Variants in COPS5 observed in about 807,000 individuals in gnomAD.
COPS5 encodes COP9 signalosome complex subunit 5.
Under a neutral mutation model 44.4 loss-of-function variants are expected in COPS5, and 8 were observed. The observed-to-expected ratio is 0.18, with a 90% CI of 0.11 to 0.32. COPS5 has a LOEUF of 0.32. COPS5 is among the 10% of genes least tolerant of loss of function. The pLI is 1.00. For synonymous variants in COPS5, 122 were observed against 142.8 expected, an observed-to-expected ratio of 0.85 and a Z score of 1.04; for missense variants, 159 against 406.4, an observed-to-expected ratio of 0.39 and a Z score of 5.23.
chr8:67,051,832 T>C (rs1804418909), intron 5 of COPS5, among the ~76,000 whole-genome samples: 2 of 152,152 alleles, frequency 1.3e-5, no homozygotes, highest in African/African-American at 4.8e-5. Context: ...CTAAAATAAT[T>C]GCTCCCACTT....
chr8:67,050,069 C>G (rs560719063), intron 6 of COPS5, among the ~76,000 whole-genome samples: 1 of 149,452 alleles, frequency 6.7e-6, no homozygotes, highest in African/African-American at 2.5e-5. Flanking sequence ...AGCGCGATCT[C>G]GGCTCACTGC....
intron 6 of COPS5, among the ~76,000 whole-genome samples, chr8:67,050,302 CT>C (rs921444044): frequency 1.3e-5 from 2 of 151,506 alleles, no homozygotes; most frequent in Non-Finnish European, 3.0e-5. Flanking sequence ...CGCCCGGCCT[CT>C]TTTTTTTTCT....
chr8:67,043,407 A>T, intron 7 of COPS5, 90 bp from the exon 8 acceptor site: 1 of 732,916 alleles, frequency 1.4e-6, no homozygotes, highest in East Asian at 2.8e-5. Context: ...ATGTAACTCC[A>T]ATGAGTTTAG....
At position 67,045,840 on chromosome 8, in the gene COPS5, C is replaced by G; in HGVS notation, c.892G>C (p.Asp298His). Reference sequence around the variant, plus strand: ...TCTCTTGTAGCTTTGGCAAGTTTGTCTTCTGATTTTCGGTCATGCGTTTCT... The same window carrying G: ...TCTCTTGTAGCTTTGGCAAGTTTGTGTTCTGATTTTCGGTCATGCGTTTCT... ...GLETHDRKSEDKLAKATRDSC... is the reference protein window; with the variant it reads ...GLETHDRKSEHKLAKATRDSC... The change falls in exon 7 of 8, where the codon GAC becomes CAC. Residue 298 changes from aspartate to histidine, a missense_variant. By Grantham distance (81) the Asp-to-His change is moderately conservative (BLOSUM62 -1). Around this residue, in one of 2 missense-constraint regions of COPS5, gnomAD observed 134 missense variants for 376.7 expected, o/e 0.36. Coordinates refer to ENST00000357849, the MANE Select transcript of COPS5 (RefSeq NM_006837.3). 1 of 1,614,144 alleles carries G rather than the reference C, an allele frequency of 6.2e-7. No individual in the cohort carries two copies. The highest frequency in any genetic ancestry group is 8.5e-7 in the Non-Finnish European group (1 of 1,180,038).
intron 5 of COPS5, among the ~76,000 whole-genome samples, chr8:67,053,791 G>C (rs569840485): frequency 6.6e-6 from 1 of 151,968 alleles, no homozygotes; most frequent in African/African-American, 2.4e-5. Flanking sequence ...CAGATCACGA[G>C]GTCATGAGAT....
chr8:67,054,817 T>G (rs1006319100), intron 5 of COPS5, among the ~76,000 whole-genome samples: 6 of 152,206 alleles, frequency 3.9e-5, no homozygotes, highest in African/African-American at 1.4e-4. Flanking sequence ...CCCTCTTCTA[T>G]GTGGCATGCC....
rs749363440 is a variant in COPS5 at position 67,057,361 on chromosome 8, T to TAAA, written c.573+16_573+18dup. 19 of 1,221,656 alleles carry TAAA rather than the reference T, an allele frequency of 1.6e-5. No individual in the cohort carries two copies. The highest frequency in any genetic ancestry group is 2.8e-5 in the East Asian group (1 of 35,228). The allele number at this position is 1,221,656 out of a possible 1,614,324, so 75.7% of individuals were successfully genotyped here. A position where few individuals can be genotyped will look rare whatever the true frequency, so the allele number is the denominator to read the frequency against. ...GGTAACACAGTGAGACTCTAACTCTTAAAAAAAAAAAAAGTTACCTTTGGG... is the reference window on the plus strand; with the variant it reads ...GGTAACACAGTGAGACTCTAACTCTTAAAAAAAAAAAAAAAAGTTACCTTTGGG... On this transcript the variant is annotated intron_variant, in intron 4 of 7. Coordinates refer to ENST00000357849, the MANE Select transcript of COPS5 (RefSeq NM_006837.3).
rs144605738 is a variant in COPS5, at chr8:67,060,616, T to C, written c.144-1171A>G. ...ATTCTAGACGACTCTTTTTATACAT[T>C]ATCTCACCTAATCTCTATGACAATA... On this transcript the variant is annotated intron_variant, in intron 1 of 7. Coordinates refer to ENST00000357849, the MANE Select transcript of COPS5 (RefSeq NM_006837.3). The C allele has an allele frequency of 1.6e-4, 100 of 610,986 alleles. 1 individual carries two copies. The East Asian group carries it at 2.9e-3, about 18-fold the overall frequency. The allele number at this position is 610,986 out of a possible 1,614,324, so 37.8% of individuals were successfully genotyped here.
intron 5 of COPS5, among the ~76,000 whole-genome samples, chr8:67,054,264 A>T (rs2129537904): frequency 6.6e-6 from 1 of 152,344 alleles, no homozygotes; most frequent in East Asian, 1.9e-4. Flanking sequence ...TTGAATACGG[A>T]AAACATAAAC....
chr8:67,045,777 T>C (rs1200037638), intron 7 of COPS5, 35 bp downstream of exon 7: 2 of 1,610,540 alleles, frequency 1.2e-6, no homozygotes, highest in Admixed American at 3.3e-5. Context: ...GAAAAAGAGT[T>C]AGGGGCAACA....
intron 5 of COPS5, among the ~76,000 whole-genome samples, chr8:67,054,225 G>C (rs949127092): frequency 6.6e-6 from 1 of 152,072 alleles, no homozygotes; most frequent in African/African-American, 2.4e-5. Context: ...TAAACTAACG[G>C]AATAGACAAA....
At chr8:67,051,190 G>T in intron 6 of COPS5, 40 bp downstream of exon 6, 1 of 1,253,290 alleles carries the variant, frequency 8.0e-7, no homozygotes. Context: ...ATGAAGCTTA[G>T]ATAAAATTCA....
intron 5 of COPS5, 28 bp from the exon 6 acceptor site, chr8:67,051,369 A>G (rs895943730): frequency 7.5e-7 from 1 of 1,339,646 alleles, no homozygotes; most frequent in Admixed American, 2.0e-5. Flanking sequence ...AAAATTTAGT[A>G]AGTAAAAAAA....
In COPS5 at chr8:67,062,110, A is replaced by C. The variant is rs563329721; in HGVS notation, c.-114T>G. The C allele has an allele frequency of 4.5e-6, 7 of 1,560,568 alleles. No homozygotes were observed. The highest frequency in any genetic ancestry group is 6.0e-6 in the Non-Finnish European group (7 of 1,157,042). On this transcript the variant is annotated 5_prime_UTR_variant, in exon 1 of 8. Transcript: ENST00000357849. ...ACCACGGGAACAAACTCTTACCTAG[A>C]CTCTTGGGGCAGCCATGACACCTAG...
intron 2 of COPS5, 143 bp downstream of exon 2, chr8:67,059,068 T>C: frequency 1.6e-6 from 1 of 607,660 alleles, no homozygotes; most frequent in East Asian, 2.9e-5. Context: ...ATCAGGCTTT[T>C]AATCTCGTAC....
Position 67,062,116 on chromosome 8 carries a change from G to T in COPS5, c.-120C>A. ...GGAACAAACTCTTACCTAGACTCTT[G>T]GGGCAGCCATGACACCTAGAACCGG... On this transcript the variant is annotated 5_prime_UTR_variant, in exon 1 of 8. Transcript: ENST00000357849. The T allele has an allele frequency of 6.4e-7, 1 of 1,555,234 alleles. No homozygotes were observed. The highest frequency in any genetic ancestry group is 2.4e-5 in the East Asian group (1 of 41,880).
Position 67,059,228 on chromosome 8 carries a change from T to C in COPS5, c.361A>G (p.Ile121Val). The change falls in exon 2 of 8, where the codon ATA becomes GTA. Residue 121 changes from isoleucine to valine, a missense_variant. Physicochemically the swap from Ile to Val is conservative, Grantham distance 29. Transcript: ENST00000357849. ...ATTTTTACCTGTTTTGCATTTTCTA[T>C]GTATGCAGCCATGTATTCATATGCA... ...AAAYEYMAAY[I>V]ENAKQVGRLE... is the part of the protein sequence containing the mutation. 6.2e-7 allele frequency: 1 copy of C among 1,613,702 alleles called. No individual in the cohort carries two copies. Among genetic ancestry groups the C allele is most frequent in the Non-Finnish European group, 8.5e-7 (1 of 1,179,610 alleles).
intron 6 of COPS5, 182 bp downstream of exon 6, chr8:67,051,048 A>G (rs1585710779): frequency 8.8e-6 from 5 of 569,098 alleles, no homozygotes; most frequent in Admixed American, 3.0e-5. Context: ...TCTGTGGGTC[A>G]TGACACAGAT....
rs796237799 is a variant in COPS5 at position 67,057,503 on chromosome 8, A to G, written c.508-58T>C. The G allele has an allele frequency of 3.3e-6, 4 of 1,195,700 alleles. No homozygotes were observed. In the African/African-American group the frequency reaches 6.1e-5, roughly 18 times the overall value. 74.1% of individuals were successfully genotyped at this position (1,195,700 alleles called of 1,614,324 possible). ...ATAAAACTGTATGCCTTTTATTTAA[A>G]CATTATAAACCTAGAAATGTATACA... On this transcript the variant is annotated intron_variant, in intron 3 of 7. Transcript: ENST00000357849.
Sources: gnomAD v4.1 joint callset for allele counts (sites outside exome capture counted in the v4.1 genomes callset) on GRCh38, gnomAD v4.1.1 for gene constraint, gnomAD v4.1.1 regional missense constraint, MANE v1.5 for transcripts, NCBI Gene and HGNC (gene_info 2026-07-23, HGNC 2026-07-21) for gene names.